Variants in KRABD3 observed in about 807,000 individuals in gnomAD.
KRABD3 encodes KRAB domain containing 3, also known as KRAB domain-containing protein 3.
At chr7:149,722,749 G>A in the KRABD3 span, 1 of 1,576,784 alleles carries the variant, frequency 6.3e-7, no homozygotes, top group Non-Finnish European at 8.6e-7. Context: ...CGTCAGGACT[G>A]CACTGACCCA....
At chr7:149,728,752 A>C in the KRABD3 span, 28 of 1,481,364 alleles carry the variant, frequency 1.9e-5, no homozygotes, top group Non-Finnish European at 2.5e-5. Flanking sequence ...CTGTGGGCTC[A>C]GATCTGCTCC....
At chr7:149,716,334 A>G in the KRABD3 span, among the ~76,000 whole-genome samples, 1 of 152,214 alleles carries the variant, frequency 6.6e-6, no homozygotes, top group African/African-American at 2.4e-5. Context: ...CCCAGTTACA[A>G]GAGTCCTGGG....
chr7:149,716,399 G>C, the KRABD3 span, among the ~76,000 whole-genome samples: 25 of 152,230 alleles, frequency 1.6e-4, no homozygotes, highest in Non-Finnish European at 2.8e-4. Context: ...AGTGGGGCCC[G>C]AGGAGGAAGG....
chr7:149,719,634 AC>A, the KRABD3 span: 1 of 1,608,548 alleles, frequency 6.2e-7, no homozygotes, highest in Non-Finnish European at 8.5e-7. The surrounding 1 kb of genome is among the most constrained non-coding windows in gnomAD (Gnocchi z 5.6). Flanking sequence ...TTCTACCGAG[AC>A]GTGATGCGGG....
the KRABD3 span, among the ~76,000 whole-genome samples, chr7:149,727,587 C>T: frequency 1.3e-5 from 2 of 152,194 alleles, no homozygotes; most frequent in Non-Finnish European, 2.9e-5. Flanking sequence ...TTGTCTTTGA[C>T]CCCTTTCTAT....
the KRABD3 span, chr7:149,730,228 C>G: frequency 6.4e-7 from 1 of 1,569,060 alleles, no homozygotes; most frequent in Non-Finnish European, 8.6e-7. Context: ...TTGCGCTTCG[C>G]CTGCGTGGGA....
chr7:149,725,301 C>G, the KRABD3 span: 6 of 1,562,378 alleles, frequency 3.8e-6, no homozygotes, highest in South Asian at 1.2e-5. Context: ...ACAGGGTGCT[C>G]TCTCCTGTTC....
At chr7:149,725,884 C>A in the KRABD3 span, 8 of 1,573,164 alleles carry the variant, frequency 5.1e-6, no homozygotes, top group South Asian at 7.1e-5. Flanking sequence ...CTGTTCCCTA[C>A]AGAAGCGACC....
At chr7:149,723,936 T>C in the KRABD3 span, 1 of 1,596,898 alleles carries the variant, frequency 6.3e-7, no homozygotes, top group Non-Finnish European at 8.5e-7. Flanking sequence ...CATCCTACAT[T>C]ACCCTGCCCC....
the KRABD3 span, chr7:149,721,479 G>C: frequency 6.2e-7 from 1 of 1,613,060 alleles, no homozygotes; most frequent in African/African-American, 1.3e-5. Context: ...CCCACCGACA[G>C]CTCGTGTTCC....
the KRABD3 span, among the ~76,000 whole-genome samples, chr7:149,726,215 G>C: frequency 1.3e-5 from 2 of 152,186 alleles, no homozygotes; most frequent in African/African-American, 4.8e-5. Flanking sequence ...ACTTATCTTG[G>C]GTGGGTTGTG....
chr7:149,722,566 C>T, the KRABD3 span: 1 of 1,387,438 alleles, frequency 7.2e-7, no homozygotes, highest in Non-Finnish European at 9.6e-7. Context: ...GAGAGGCGGG[C>T]TTTCCTTAGT....
the KRABD3 span, chr7:149,720,984 C>A: frequency 2.5e-6 from 4 of 1,613,488 alleles, no homozygotes; most frequent in Non-Finnish European, 2.5e-6. Flanking sequence ...GAGAGCGAGC[C>A]CCGAGGGTAA....
the KRABD3 span, chr7:149,725,870 TG>T: frequency 6.5e-7 from 1 of 1,541,066 alleles, no homozygotes; most frequent in Non-Finnish European, 8.8e-7. Flanking sequence ...TGACCACAAC[TG>T]TGCTGTTCCC....
At chr7:149,732,822 G>A in the KRABD3 span, among the ~76,000 whole-genome samples, 4 of 152,042 alleles carry the variant, frequency 2.6e-5, no homozygotes, top group Admixed American at 2.0e-4. This position sits in a 1 kb window ranked among gnomAD's most constrained non-coding sequence, Gnocchi z 4.0. Flanking sequence ...TGCTCCCACG[G>A]CCTTGGCCTC....
chr7:149,728,345 C>T, the KRABD3 span, among the ~76,000 whole-genome samples: 1 of 152,230 alleles, frequency 6.6e-6, no homozygotes, highest in African/African-American at 2.4e-5. Flanking sequence ...ACAGGCCAGG[C>T]TTCTTCCACG....
chr7:149,717,205 C>T, the KRABD3 span, among the ~76,000 whole-genome samples: 2 of 152,220 alleles, frequency 1.3e-5, no homozygotes, highest in African/African-American at 2.4e-5. Flanking sequence ...ATGTGGGAAC[C>T]CTCTGCCTGC....
the KRABD3 span, chr7:149,728,750 T>C: frequency 1.4e-6 from 2 of 1,478,214 alleles, no homozygotes; most frequent in Non-Finnish European, 9.1e-7. Flanking sequence ...ACCTGTGGGC[T>C]CAGATCTGCT....
the KRABD3 span, chr7:149,719,738 C>T: frequency 6.5e-7 from 1 of 1,534,532 alleles, no homozygotes; most frequent in East Asian, 2.3e-5. The surrounding 1 kb of genome is among the most constrained non-coding windows in gnomAD (Gnocchi z 5.6). Context: ...AGGCCGGAGT[C>T]CCTGGACCCG....
Sources: allele counts gnomAD v4.1 joint callset (sites outside exome capture counted in the v4.1 genomes callset), GRCh38; gene constraint gnomAD v4.1.1; non-coding constraint Gnocchi (gnomAD v3.1); transcripts MANE v1.5; gene names NCBI Gene and HGNC (gene_info 2026-07-23, HGNC 2026-07-21).